The following S100Z variants were observed in gnomAD, a reference collection of about 807,000 sequenced individuals.
The protein encoded by S100Z is S100 calcium binding protein Z, also known as protein S100-Z.
Under a neutral mutation model 8.5 loss-of-function variants are expected in S100Z, and 11 were observed. The ratio of observed to expected loss-of-function variants is 1.30; its 90% CI spans 0.82 to 2.15. S100Z has a LOEUF of 2.15. S100Z is among the 30% of genes most tolerant of loss of function. The probability of loss-of-function intolerance (pLI) is 0.00; values close to 1 mark genes in which losing one functional copy is unlikely to be tolerated. For missense variants in S100Z, 126 were observed against 117.9 expected (o/e 1.07, Z -0.32); for synonymous variants, 34 against 43.8 (o/e 0.78, Z 0.89).
chr5:76,858,847 A>G (rs1479116298), intron 1 of S100Z, among the ~76,000 whole-genome samples: 2 of 152,218 alleles, frequency 1.3e-5, no homozygotes, highest in African/African-American at 4.8e-5. Context: ...TGGATGGCTC[A>G]GGCCTGTAAT....
At chr5:76,860,588 A>G (rs551709884) in intron 1 of S100Z, among the ~76,000 whole-genome samples, 1 of 152,280 alleles carries the variant, frequency 6.6e-6, no homozygotes, top group South Asian at 2.1e-4. Context: ...GATATGCTCC[A>G]AGCAGACATT....
At chr5:76,885,903 G>A (rs1024354073) in intron 4 of S100Z, among the ~76,000 whole-genome samples, 2 of 146,702 alleles carry the variant, frequency 1.4e-5, no homozygotes, top group Admixed American at 6.8e-5. Context: ...TAGAGGCATG[G>A]AGAGAAGGAG....
At chr5:76,917,126 A>C in intron 4 of S100Z, among the ~76,000 whole-genome samples, 1 of 143,350 alleles carries the variant, frequency 7.0e-6, no homozygotes, top group African/African-American at 2.9e-5. Flanking sequence ...ACTGTCTCAA[A>C]AAAAAAAAAA....
intron 4 of S100Z, among the ~76,000 whole-genome samples, chr5:76,915,814 T>C (rs1744835968): frequency 6.6e-6 from 1 of 152,102 alleles, no homozygotes; most frequent in Admixed American, 6.5e-5. Flanking sequence ...CAATAACGTA[T>C]GTTGAAAGTA....
the S100Z span, among the ~76,000 whole-genome samples, chr5:76,936,146 A>G: frequency 6.6e-6 from 1 of 152,200 alleles, no homozygotes; most frequent in African/African-American, 2.4e-5. Flanking sequence ...AAATAATAGA[A>G]ATGTTTATTA....
chr5:76,886,111 G>A (rs1242810721), intron 4 of S100Z, among the ~76,000 whole-genome samples: 1 of 152,118 alleles, frequency 6.6e-6, no homozygotes, highest in Non-Finnish European at 1.5e-5. Flanking sequence ...GTCAAGGGGT[G>A]CTTGCCCCCC....
chr5:76,932,553 C>G, the S100Z span, among the ~76,000 whole-genome samples: 35 of 152,244 alleles, frequency 2.3e-4, no homozygotes, highest in African/African-American at 8.2e-4. Context: ...GGGGTTTCAT[C>G]ATGTTGGCCA....
At chr5:76,855,398 C>T (rs958074061) in intron 1 of S100Z, among the ~76,000 whole-genome samples, 32 of 152,180 alleles carry the variant, frequency 2.1e-4, no homozygotes, top group African/African-American at 6.8e-4. Flanking sequence ...CCCTGCAAAG[C>T]TTCAGAGGCC....
At chr5:76,899,318 T>A (rs985950028) in intron 4 of S100Z, among the ~76,000 whole-genome samples, 12 of 152,166 alleles carry the variant, frequency 7.9e-5, no homozygotes, top group Non-Finnish European at 1.6e-4. Flanking sequence ...TGTCTTTTGA[T>A]TAAAGAGTTC....
chr5:76,888,587 A>T (rs1743738905), intron 4 of S100Z, among the ~76,000 whole-genome samples: 1 of 151,886 alleles, frequency 6.6e-6, no homozygotes, highest in Non-Finnish European at 1.5e-5. Context: ...CGTGTTAGCC[A>T]GGATGGTCTC....
chr5:76,880,882 C>T (rs542078204), intron 4 of S100Z, among the ~76,000 whole-genome samples: 1 of 152,088 alleles, frequency 6.6e-6, no homozygotes, highest in African/African-American at 2.4e-5. Context: ...AAGAGTACCC[C>T]TTTTTTAGTC....
At chr5:76,859,358 G>A (rs1750981163) in intron 1 of S100Z, among the ~76,000 whole-genome samples, 1 of 152,114 alleles carries the variant, frequency 6.6e-6, no homozygotes, top group Non-Finnish European at 1.5e-5. Context: ...GAAGGAGTTA[G>A]CACATTGAAA....
the S100Z span, among the ~76,000 whole-genome samples, chr5:76,930,805 G>T: frequency 2.6e-5 from 4 of 152,114 alleles, no homozygotes; most frequent in Non-Finnish European, 4.4e-5. Context: ...GGGTATCCAA[G>T]GAGAAGAAGA....
intron 4 of S100Z, among the ~76,000 whole-genome samples, chr5:76,889,197 C>T (rs966460783): frequency 2.6e-5 from 4 of 152,138 alleles, no homozygotes; most frequent in South Asian, 2.1e-4. Flanking sequence ...TCTGTACAGG[C>T]GAGCTTCCTT....
chr5:76,897,363 A>G (rs1580046985), intron 4 of S100Z, among the ~76,000 whole-genome samples: 1 of 152,156 alleles, frequency 6.6e-6, no homozygotes, highest in South Asian at 2.1e-4. Context: ...GAATGGTGTG[A>G]ACCCAGGAGG....
intron 1 of S100Z, among the ~76,000 whole-genome samples, chr5:76,853,562 G>A (rs1045912306): frequency 2.0e-5 from 3 of 152,066 alleles, no homozygotes; most frequent in Admixed American, 1.3e-4. Context: ...TTGGGAGGCT[G>A]AGGCAGGCAG....
At chr5:76,946,215 C>T in the S100Z span, among the ~76,000 whole-genome samples, 11,779 of 152,192 alleles carry the variant, frequency 0.077, 735 homozygotes, top group African/African-American at 0.17. Flanking sequence ...ACCCTTTCCT[C>T]CCATTATTAC....
At chr5:76,904,550 T>G (rs1478065693) in intron 4 of S100Z, among the ~76,000 whole-genome samples, 1 of 152,188 alleles carries the variant, frequency 6.6e-6, no homozygotes, top group African/African-American at 2.4e-5. Context: ...AACTTGTTGC[T>G]TATTAAACAC....
chr5:76,851,103 A>G (rs2150615380), intron 1 of S100Z, among the ~76,000 whole-genome samples: 1 of 152,354 alleles, frequency 6.6e-6, no homozygotes, highest in South Asian at 2.1e-4. Flanking sequence ...TCTAGAGGAA[A>G]GCATGAGGTG....
Sources: allele counts gnomAD v4.1 joint callset (sites outside exome capture counted in the v4.1 genomes callset), GRCh38; gene constraint gnomAD v4.1.1; transcripts MANE v1.5; gene names NCBI Gene and HGNC (gene_info 2026-07-23, HGNC 2026-07-21).